PCDHGA4: variants seen among roughly 807,000 people sequenced by gnomAD.
The protein encoded by PCDHGA4 is protocadherin gamma subfamily A, 4, also known as protocadherin gamma-A4.
PCDHGA4 carries 38 observed loss-of-function variants against 54.6 expected under a neutral mutation model. The observed-to-expected ratio is 0.70, with a 90% CI of 0.54 to 0.91. The LOEUF (loss-of-function observed/expected upper bound fraction) is 0.91, where lower values mean the gene tolerates loss of function less well. PCDHGA4 is among the 40% of genes least tolerant of loss of function. PCDHGA4 has a pLI of 0.00. For synonymous variants in PCDHGA4, 511 were observed against 512.9 expected (o/e 1.00, Z 0.05); for missense variants, 1,298 against 1,220.9 (o/e 1.06, Z -0.94).
At chr5:141,456,259 C>T (rs1456888951) in intron 1 of PCDHGA4, among the ~76,000 whole-genome samples, 1 of 152,122 alleles carries the variant, frequency 6.6e-6, no homozygotes, top group Non-Finnish European at 1.5e-5. Flanking sequence ...GCGACCATTG[C>T]TTCTGGCTAC....
At chr5:141,419,299 C>T in intron 1 of PCDHGA4, 12 of 1,614,048 alleles carry the variant, frequency 7.4e-6, no homozygotes, top group Non-Finnish European at 1.0e-5. Flanking sequence ...CTGACCCAGA[C>T]TTCGGGCTCA....
Position 141,477,849 on chromosome 5 carries a change from A to G in PCDHGA4, c.2515-16958A>G. ...CCTCGGCCAGGTGGGAGCTCGGTGGAGATGCTGCCTCGAGGTACCTCAGCT... is the reference window on the plus strand; with the variant it reads ...CCTCGGCCAGGTGGGAGCTCGGTGGGGATGCTGCCTCGAGGTACCTCAGCT... On this transcript the variant is annotated intron_variant, in intron 1 of 3. Transcript: ENST00000571252. This position sits in a 1 kb window ranked among gnomAD's most constrained non-coding sequence, Gnocchi z 4.9. The G allele has an allele frequency of 6.8e-6, 11 of 1,612,812 alleles. No individual in the cohort carries two copies. Among genetic ancestry groups the G allele is most frequent in the Non-Finnish European group, 8.5e-6 (10 of 1,179,548 alleles).
chr5:141,390,095 T>C lies in PCDHGA4; in HGVS notation c.2514+32474T>C, dbSNP rs763642761. 3 of 1,613,972 alleles carry C rather than the reference T, an allele frequency of 1.9e-6. No individual in the cohort carries two copies. In the South Asian group the frequency reaches 3.3e-5, roughly 18 times the overall value. ...TCTGTGTTAAATCCGAATCCGTGGT[T>C]CCCCCCAACTACAGCGAGGGGACTT... On this transcript the variant is annotated intron_variant, in intron 1 of 3. Coordinates refer to ENST00000571252, the MANE Select transcript of PCDHGA4 (RefSeq NM_018917.4).
At chr5:141,416,576 A>C (rs1300203182) in intron 1 of PCDHGA4, 2 of 152,204 alleles carry the variant, frequency 1.3e-5, no homozygotes, top group Non-Finnish European at 2.9e-5. Flanking sequence ...TGAAATTGAG[A>C]GGCAAAATAA....
In PCDHGA4 at chr5:141,415,739, G is replaced by GTTT. The variant is rs1561759437; in HGVS notation, c.2514+58118_2514+58119insTTT. 6 of 435,150 alleles carry GTTT rather than the reference G, an allele frequency of 1.4e-5. No individual in the cohort carries two copies. The African/African-American group carries it at 1.6e-4, about 12-fold the overall frequency. 27.0% of individuals were successfully genotyped at this position (435,150 alleles called of 1,614,324 possible). ...ATGAGTAGAATTTGATGTTTATTAAGGTTTTTTTTTTTTTTTTTTTTTTTT... is the reference window on the plus strand; with the variant it reads ...ATGAGTAGAATTTGATGTTTATTAAGTTTGTTTTTTTTTTTTTTTTTTTTTTTT... On this transcript the variant is annotated intron_variant, in intron 1 of 3. Transcript: ENST00000571252.
At chr5:141,370,833 C>T (rs1305609320) in intron 1 of PCDHGA4, 4 of 1,613,946 alleles carry the variant, frequency 2.5e-6, no homozygotes, top group Non-Finnish European at 8.5e-7. Context: ...CGAACTGGCT[C>T]TCACTGGAGC....
chr5:141,386,463 C>T (rs2090584678), intron 1 of PCDHGA4, among the ~76,000 whole-genome samples: 1 of 152,034 alleles, frequency 6.6e-6, no homozygotes, highest in Admixed American at 6.6e-5. Context: ...ACAGCTTGAA[C>T]CCAAGAATTG....
intron 1 of PCDHGA4, chr5:141,366,640 T>C (rs965483539): frequency 6.2e-7 from 1 of 1,614,186 alleles, no homozygotes; most frequent in Non-Finnish European, 8.5e-7. Context: ...ACCTGATCTT[T>C]CCCCAGCCCA....
intron 3 of PCDHGA4, among the ~76,000 whole-genome samples, chr5:141,508,837 A>C (rs1596180024): frequency 6.7e-6 from 1 of 149,276 alleles, no homozygotes; most frequent in Non-Finnish European, 1.5e-5. Context: ...CCCCTCCCCT[A>C]CCCCTTCCAT....
chr5:141,419,878 G>T (rs1342215231), intron 1 of PCDHGA4: 1 of 1,613,942 alleles, frequency 6.2e-7, no homozygotes, highest in African/African-American at 1.3e-5. Context: ...AGGTACTGCC[G>T]GATTTCAGCG....
intron 1 of PCDHGA4, among the ~76,000 whole-genome samples, chr5:141,473,380 G>A (rs1363453338): frequency 6.6e-6 from 1 of 152,204 alleles, no homozygotes; most frequent in African/African-American, 2.4e-5. Context: ...CATGGTCCCT[G>A]CCCTCCTGGA....
At chr5:141,481,607 C>A (rs2099540195) in intron 1 of PCDHGA4, among the ~76,000 whole-genome samples, 1 of 152,158 alleles carries the variant, frequency 6.6e-6, no homozygotes, top group Admixed American at 6.5e-5. Flanking sequence ...CACCTGAGGC[C>A]AGGAGTTCAA....
At position 141,410,285 on chromosome 5, in the gene PCDHGA4, G is replaced by T. The variant is rs746596172; in HGVS notation, c.2514+52664G>T. 7 of 1,614,010 alleles carry T rather than the reference G, an allele frequency of 4.3e-6. No homozygotes were observed. The Admixed American group carries it at 1.2e-4, about 27-fold the overall frequency. ...TGAACTGCAGTTTTACCTGGTGGTGGCCTTGGCCTTAATCTCAGTGCTCTT... is the reference window on the plus strand; with the variant it reads ...TGAACTGCAGTTTTACCTGGTGGTGTCCTTGGCCTTAATCTCAGTGCTCTT... On this transcript the variant is annotated intron_variant, in intron 1 of 3. Coordinates refer to ENST00000571252, the MANE Select transcript of PCDHGA4 (RefSeq NM_018917.4).
chr5:141,409,033 A>C, intron 1 of PCDHGA4: 1 of 1,614,028 alleles, frequency 6.2e-7, no homozygotes, highest in South Asian at 1.1e-5. Context: ...ATGCTGAGAT[A>C]AACTACTACT....
chr5:141,403,969 T>C (rs1437416293), intron 1 of PCDHGA4: 2 of 1,613,808 alleles, frequency 1.2e-6, no homozygotes, highest in Non-Finnish European at 1.7e-6. Context: ...CGGTGGAAGA[T>C]GTAAATGACA....
chr5:141,390,016 T>G (rs768656280), intron 1 of PCDHGA4: 2 of 1,613,978 alleles, frequency 1.2e-6, no homozygotes, highest in East Asian at 4.5e-5. Context: ...GCCATTGCCT[T>G]GCGCCTGCGA....
In PCDHGA4 at chr5:141,431,797, A is replaced by T. The variant is rs754056771; in HGVS notation, c.2515-63010A>T. 6.2e-7 allele frequency: 1 copy of T among 1,614,256 alleles called. No homozygotes were observed. The highest frequency in any genetic ancestry group is 2.2e-5 in the East Asian group (1 of 44,882). ...TGGACGTGAACGACAATGCCCCAGAAGTGGTCCTCACCTCTCTCGCCAGCT... is the reference window on the plus strand; with the variant it reads ...TGGACGTGAACGACAATGCCCCAGATGTGGTCCTCACCTCTCTCGCCAGCT... On this transcript the variant is annotated intron_variant, in intron 1 of 3. Coordinates refer to ENST00000571252, the MANE Select transcript of PCDHGA4 (RefSeq NM_018917.4). This position sits in a 1 kb window ranked among gnomAD's most constrained non-coding sequence, Gnocchi z 4.8.
At position 141,454,796 on chromosome 5, in the gene PCDHGA4, A is replaced by ATT. The variant is rs61612330; in HGVS notation, c.2515-39983_2515-39982dup. On this transcript the variant is annotated intron_variant, in intron 1 of 3. Coordinates refer to ENST00000571252, the MANE Select transcript of PCDHGA4 (RefSeq NM_018917.4). Reference sequence around the variant, plus strand: ...AAGGAAATAATCCTCCATGGTTCTAATTTTTTTTTTTTTTTTTTTTTTTTT... The same window carrying ATT: ...AAGGAAATAATCCTCCATGGTTCTAATTTTTTTTTTTTTTTTTTTTTTTTTTT... 6.7e-3 allele frequency among the ~76,000 whole-genome samples: 521 copies of ATT among 77,456 alleles called. 71 individuals are homozygous for ATT. The highest frequency in any genetic ancestry group is 0.017 in the Middle Eastern group (2 of 120). The allele number at this position is 77,456 out of a possible 152,430, so 50.8% of individuals were successfully genotyped here.
intron 1 of PCDHGA4, chr5:141,372,113 G>T (rs1466708600): frequency 1.9e-6 from 3 of 1,613,786 alleles, no homozygotes; most frequent in Non-Finnish European, 2.5e-6. Flanking sequence ...AAGGCTCTGC[G>T]CTCTTCGATA....
Sources: allele counts gnomAD v4.1 joint callset (sites outside exome capture counted in the v4.1 genomes callset), GRCh38; gene constraint gnomAD v4.1.1; non-coding constraint Gnocchi (gnomAD v3.1); transcripts MANE v1.5; gene names NCBI Gene and HGNC (gene_info 2026-07-23, HGNC 2026-07-21).